Variants in CNKSR2 observed in about 807,000 individuals in gnomAD.
CNKSR2 encodes the protein connector enhancer of kinase suppressor of Ras 2, also known as CNK homolog protein 2.
A neutral mutation model predicts 84.4 loss-of-function variants in CNKSR2; 14 were observed. That is an observed-to-expected ratio of 0.17 (90% CI 0.11 to 0.26). The LOEUF (loss-of-function observed/expected upper bound fraction) is 0.26, where lower values mean the gene tolerates loss of function less well. CNKSR2 is among the 10% of genes least tolerant of loss of function. CNKSR2 has a pLI of 1.00. For synonymous variants in CNKSR2, 275 were observed against 277.9 expected (o/e 0.99, Z 0.10); for missense variants, 485 against 771.2 (o/e 0.63, Z 4.40).
intron 1 of CNKSR2, among the ~76,000 whole-genome samples, chrX:21,385,764 A>G (rs1287998650): frequency 9.0e-6 from 1 of 111,519 alleles, no homozygotes; most frequent in Non-Finnish European, 1.9e-5. Flanking sequence ...CTTTTCAAAG[A>G]TGTGTATGTC....
rs1491232291 is a variant in CNKSR2 at position 21,374,602 on chromosome X, CAG to C, written c.-295_-294del. On this transcript the variant is annotated 5_prime_UTR_variant, in exon 1 of 22. Transcript: ENST00000379510. ...CGGAGCGGAGCGGCGGAGGCAGCAG[CAG>C]CAGCAGCAGCAGCAGCAGCAGCAGC... 2.1e-6 allele frequency: 1 copy of C among 484,239 alleles called. No homozygotes were observed. Among genetic ancestry groups the C allele is most frequent in the Non-Finnish European group, 3.6e-6 (1 of 275,575 alleles). 39.9% of individuals were successfully genotyped at this position (484,239 alleles called of 1,213,427 possible).
At chrX:21,557,826 A>G (rs920344272) in intron 11 of CNKSR2, among the ~76,000 whole-genome samples, 3 of 111,603 alleles carry the variant, frequency 2.7e-5, no homozygotes, top group Non-Finnish European at 5.7e-5. Context: ...GATATGTCTT[A>G]AACTTTTCCA....
chrX:21,469,447 A>C (rs1461393610), intron 4 of CNKSR2, among the ~76,000 whole-genome samples: 1 of 111,975 alleles, frequency 8.9e-6, no homozygotes, highest in Admixed American at 9.5e-5. Context: ...ATTATCAAAA[A>C]TTGTGTTGAA....
intron 17 of CNKSR2, among the ~76,000 whole-genome samples, chrX:21,599,229 G>A (rs750833580): frequency 8.9e-6 from 1 of 112,011 alleles, no homozygotes; most frequent in Admixed American, 9.5e-5. Flanking sequence ...AAATGCTGTT[G>A]AAGTGAAAAA....
At chrX:21,447,546 G>T (rs1229329740) in intron 4 of CNKSR2, among the ~76,000 whole-genome samples, 6 of 111,269 alleles carry the variant, frequency 5.4e-5, no homozygotes, top group African/African-American at 2.0e-4. Context: ...ATGTAGAAAG[G>T]TGGGTTAGGC....
intron 17 of CNKSR2, among the ~76,000 whole-genome samples, chrX:21,600,691 T>C (rs752507697): frequency 1.8e-5 from 2 of 112,346 alleles, no homozygotes; most frequent in East Asian, 5.6e-4. Context: ...TGAAAATACA[T>C]GTTCAAGATC....
intron 3 of CNKSR2, among the ~76,000 whole-genome samples, chrX:21,438,602 A>G (rs575750644): frequency 1.8e-5 from 2 of 111,507 alleles, no homozygotes; most frequent in Admixed American, 9.6e-5. Flanking sequence ...TAGAAAAAAT[A>G]TAGGCAAAAA....
At chrX:21,428,067 A>G (rs2090588458) in intron 2 of CNKSR2, 1 of 112,079 alleles carries the variant, frequency 8.9e-6, no homozygotes, top group Non-Finnish European at 1.9e-5. Context: ...AGGGAACTTA[A>G]CACCTTGTAT....
intron 4 of CNKSR2, among the ~76,000 whole-genome samples, chrX:21,455,052 T>C (rs865880588): frequency 8.4e-4 from 94 of 112,009 alleles, no homozygotes; most frequent in African/African-American, 2.9e-3. Context: ...ATTCCTAACC[T>C]GAATGCTTAT....
At chrX:21,508,520 A>G (rs1225254257) in intron 8 of CNKSR2, among the ~76,000 whole-genome samples, 3 of 112,159 alleles carry the variant, frequency 2.7e-5, no homozygotes, top group Non-Finnish European at 5.6e-5. Flanking sequence ...TTGATGAAGT[A>G]AAAGGACATT....
intron 6 of CNKSR2, among the ~76,000 whole-genome samples, chrX:21,497,307 T>G (rs753565789): frequency 2.7e-5 from 3 of 111,675 alleles, no homozygotes; most frequent in Non-Finnish European, 5.7e-5. Flanking sequence ...AAAATTTATG[T>G]AAATTATATT....
chrX:21,632,167 C>T lies in CNKSR2; in HGVS notation c.2693-16664C>T, dbSNP rs150738259. The stretch of plus-strand genomic sequence containing the variant: ...CTTCTTAGCAGGTTGCCATGACAAC[C>T]TGAGGTAAAGTACCAGTTCACTGGA... On this transcript the variant is annotated intron_variant, in intron 20 of 21. Transcript: ENST00000379510. Among the ~76,000 whole-genome samples, 385 of 111,588 alleles carry T rather than the reference C, an allele frequency of 3.5e-3. 1 individual carries two copies. Among genetic ancestry groups the T allele is most frequent in the African/African-American group, 5.5e-3 (169 of 30,720 alleles).
chrX:21,526,987 C>T lies in CNKSR2; in HGVS notation c.1078C>T (p.Pro360Ser). 1.7e-6 allele frequency: 2 copies of T among 1,204,929 alleles called. No individual in the cohort carries two copies. Among genetic ancestry groups the T allele is most frequent in the East Asian group, 5.9e-5 (2 of 33,671 alleles). ...DLYIPPPPAE[P>S]YIPRDEKGNL... Reference sequence around the variant, plus strand: ...CTACATTCCCCCTCCTCCTGCAGAACCATATATTCCCAGGTATAAAACTAT... The same window carrying T: ...CTACATTCCCCCTCCTCCTGCAGAATCATATATTCCCAGGTATAAAACTAT... Residue 360 changes from proline (P) to serine (S), a missense_variant, in exon 10 of 22, where the codon CCA becomes TCA. Transcript: ENST00000379510.
intron 4 of CNKSR2, among the ~76,000 whole-genome samples, chrX:21,449,303 CAAA>C (rs11308049): frequency 1.4e-4 from 6 of 44,338 alleles, no homozygotes; most frequent in South Asian, 1.6e-3. Flanking sequence ...GACTCCGTCT[CAAA>C]AAAAAAAAAA....
intron 8 of CNKSR2, chrX:21,503,184 T>C (rs774608823): frequency 3.5e-6 from 1 of 289,299 alleles, no homozygotes; most frequent in East Asian, 4.8e-5. Flanking sequence ...TAATAAAATC[T>C]ATGTGGATTG....
intron 13 of CNKSR2, among the ~76,000 whole-genome samples, chrX:21,570,314 CT>C (rs1435035379): frequency 8.9e-6 from 1 of 112,679 alleles, no homozygotes; most frequent in Non-Finnish European, 1.9e-5. Flanking sequence ...TCACCTTGCA[CT>C]TTTTTTGTTA....
At chrX:21,563,161 A>G in intron 12 of CNKSR2, 77 bp from the exon 13 acceptor site, 1 of 831,742 alleles carries the variant, frequency 1.2e-6, no homozygotes, top group Non-Finnish European at 1.7e-6. Context: ...CGCCAACCTA[A>G]TAGCACAATT....
At chrX:21,475,370 T>C (rs1284294168) in intron 5 of CNKSR2, among the ~76,000 whole-genome samples, 1 of 111,982 alleles carries the variant, frequency 8.9e-6, no homozygotes, top group Non-Finnish European at 1.9e-5. Flanking sequence ...TTTTAACAAA[T>C]GAGTAAGAGT....
At chrX:21,595,526 C>T in intron 17 of CNKSR2, 131 bp downstream of exon 17, 1 of 366,594 alleles carries the variant, frequency 2.7e-6, no homozygotes, top group Non-Finnish European at 4.7e-6. Context: ...CCCAGAATAG[C>T]TCCATGCAGC....
Sources: allele counts gnomAD v4.1 joint callset (sites outside exome capture counted in the v4.1 genomes callset), GRCh38; gene constraint gnomAD v4.1.1; transcripts MANE v1.5; gene names NCBI Gene and HGNC (gene_info 2026-07-23, HGNC 2026-07-21).